The following SPOCK1 variants were observed in gnomAD, a reference collection of about 807,000 sequenced individuals.
SPOCK1 encodes SPARC (osteonectin), cwcv and kazal like domains proteoglycan 1, also known as testican-1.
In SPOCK1, 23 loss-of-function variants were observed where a neutral mutation model predicts 55.3. The ratio of observed to expected loss-of-function variants is 0.42; its 90% CI spans 0.30 to 0.59. The LOEUF (loss-of-function observed/expected upper bound fraction) is 0.59. SPOCK1 is among the 20% of genes least tolerant of loss of function. The pLI is 0.22. For synonymous variants in SPOCK1, 226 were observed against 221.0 expected (o/e 1.02, Z -0.20); for missense variants, 499 against 552.5 (o/e 0.90, Z 0.97).
intron 2 of SPOCK1, among the ~76,000 whole-genome samples, chr5:137,409,064 C>T (rs1257535243): frequency 2.0e-5 from 3 of 152,142 alleles, no homozygotes; most frequent in Admixed American, 2.0e-4. Context: ...GGAAAGAAAT[C>T]CAAGTCTGAA....
At chr5:137,162,192 C>T (rs1466816377) in intron 3 of SPOCK1, among the ~76,000 whole-genome samples, 1 of 145,112 alleles carries the variant, frequency 6.9e-6, no homozygotes, top group Non-Finnish European at 1.5e-5. Context: ...GGCTGGAGTA[C>T]AATGGTGGGA....
chr5:137,460,232 G>C lies in SPOCK1; in HGVS notation c.186+38141C>G, dbSNP rs538143900. On this transcript the variant is annotated intron_variant, in intron 2 of 10. Coordinates refer to ENST00000394945, the MANE Select transcript of SPOCK1 (RefSeq NM_004598.4). ...GGCCTGTGCTGGAGAATGAGCAATG[G>C]CTCAAGAAGTCTGGGAGATCTGGCT... 2.6e-5 allele frequency among the ~76,000 whole-genome samples: 4 copies of C among 152,258 alleles called. No individual in the cohort carries two copies. In the East Asian group the frequency reaches 7.7e-4, roughly 29 times the overall value.
chr5:137,438,957 A>G (rs1333125484), intron 2 of SPOCK1, among the ~76,000 whole-genome samples: 1 of 152,256 alleles, frequency 6.6e-6, no homozygotes, highest in African/African-American at 2.4e-5. Context: ...CACGTGACTT[A>G]AGAGGGTGCA....
chr5:137,495,278 G>T (rs1754274957), intron 2 of SPOCK1, among the ~76,000 whole-genome samples: 1 of 152,186 alleles, frequency 6.6e-6, no homozygotes, highest in Non-Finnish European at 1.5e-5. Flanking sequence ...AGTAGAGGTT[G>T]CCAGGTCACC....
At chr5:137,040,988 G>C (rs912891953) in intron 6 of SPOCK1, among the ~76,000 whole-genome samples, 1 of 152,110 alleles carries the variant, frequency 6.6e-6, no homozygotes, top group African/African-American at 2.4e-5. Flanking sequence ...AAAAAGGCTA[G>C]GAACCATACA....
At chr5:137,116,738 G>C (rs1753590526) in intron 4 of SPOCK1, among the ~76,000 whole-genome samples, 3 of 151,700 alleles carry the variant, frequency 2.0e-5, no homozygotes, top group Admixed American at 6.6e-5. Context: ...ACCTTCACAG[G>C]CTCCCTGTCT....
At chr5:137,026,496 A>G (rs766844815) in intron 6 of SPOCK1, among the ~76,000 whole-genome samples, 81 of 152,266 alleles carry the variant, frequency 5.3e-4, no homozygotes, top group Non-Finnish European at 1.0e-3. Context: ...TGCAGCATCA[A>G]TTCTTCCCTG....
chr5:137,491,492 A>C (rs1754176213), intron 2 of SPOCK1, among the ~76,000 whole-genome samples: 1 of 152,136 alleles, frequency 6.6e-6, no homozygotes, highest in Non-Finnish European at 1.5e-5. Context: ...GGGACAGTGC[A>C]CTCAGCCATT....
At chr5:137,099,443 T>C (rs754451104) in intron 5 of SPOCK1, among the ~76,000 whole-genome samples, 1 of 152,184 alleles carries the variant, frequency 6.6e-6, no homozygotes, top group African/African-American at 2.4e-5. Context: ...ACCTTTGCCC[T>C]GAATGAATGC....
At chr5:137,398,135 C>A (rs1751896259) in intron 2 of SPOCK1, among the ~76,000 whole-genome samples, 1 of 151,986 alleles carries the variant, frequency 6.6e-6, no homozygotes, top group Admixed American at 6.6e-5. Context: ...TCCACTGGCC[C>A]ACAACACTTC....
chr5:137,152,084 A>C (rs550862844), intron 3 of SPOCK1, among the ~76,000 whole-genome samples: 1 of 152,208 alleles, frequency 6.6e-6, no homozygotes, highest in African/African-American at 2.4e-5. Flanking sequence ...TTGGAGCTGA[A>C]GTTTCTTGGG....
In SPOCK1 at chr5:137,266,924, T is replaced by C. The variant is rs552837366; in HGVS notation, c.232+86A>G. 79 of 1,203,998 alleles carry C rather than the reference T, an allele frequency of 6.6e-5. No individual in the cohort carries two copies. The African/African-American group carries it at 1.1e-3, about 16-fold the overall frequency. 74.6% of individuals were successfully genotyped at this position (1,203,998 alleles called of 1,614,324 possible). The stretch of plus-strand genomic sequence containing the variant: ...AAATAACACCGCTAGCTGGCCCTTG[T>C]GGGAACATTAACTCAGCATGCAAGG... On this transcript the variant is annotated intron_variant, in intron 3 of 10. Coordinates refer to ENST00000394945, the MANE Select transcript of SPOCK1 (RefSeq NM_004598.4).
chr5:137,003,984 A>T (rs1291848821), intron 6 of SPOCK1, among the ~76,000 whole-genome samples: 2 of 152,084 alleles, frequency 1.3e-5, no homozygotes, highest in Non-Finnish European at 2.9e-5. Context: ...AATGCAGAGA[A>T]CCATGAGCTC....
At chr5:137,115,962 A>G (rs892989232) in intron 4 of SPOCK1, among the ~76,000 whole-genome samples, 5 of 152,232 alleles carry the variant, frequency 3.3e-5, no homozygotes, top group African/African-American at 1.2e-4. Flanking sequence ...GTGAAATCCA[A>G]TGAAGGTATC....
chr5:137,236,672 G>C (rs1475761767), intron 3 of SPOCK1, among the ~76,000 whole-genome samples: 2 of 152,124 alleles, frequency 1.3e-5, no homozygotes, highest in African/African-American at 4.8e-5. Flanking sequence ...TATCTGACCT[G>C]GATTGGGGAG....
At position 137,168,681 on chromosome 5, in the gene SPOCK1, C is replaced by T. The variant is rs570194863; in HGVS notation, c.233-27987G>A. On this transcript the variant is annotated intron_variant, in intron 3 of 10. Transcript: ENST00000394945. ...TACCACCTCACTCTAGTTAAGATGGCTTTTTTCCATAAGACAGGCAATAAA... is the reference window on the plus strand; with the variant it reads ...TACCACCTCACTCTAGTTAAGATGGTTTTTTTCCATAAGACAGGCAATAAA... Among the ~76,000 whole-genome samples, 15 of 152,152 alleles carry T rather than the reference C, an allele frequency of 9.9e-5. No homozygotes were observed. The East Asian group carries it at 2.7e-3, about 27-fold the overall frequency.
intron 2 of SPOCK1, among the ~76,000 whole-genome samples, chr5:137,426,682 C>T (rs1412300782): frequency 6.6e-6 from 1 of 152,128 alleles, no homozygotes; most frequent in African/African-American, 2.4e-5. Context: ...TGGGTGACTG[C>T]CTAAACATGA....
In SPOCK1 at chr5:137,022,507, G is replaced by C. The variant is rs190095901; in HGVS notation, c.590-29907C>G. 4.5e-3 allele frequency among the ~76,000 whole-genome samples: 680 copies of C among 152,130 alleles called. 2 individuals carry two copies. Among genetic ancestry groups the C allele is most frequent in the Non-Finnish European group, 5.3e-3 (361 of 67,992 alleles). On this transcript the variant is annotated intron_variant, in intron 6 of 10. Transcript: ENST00000394945. ...GTTTGTTACAGGGCAAGAAATAACT[G>C]AAACAAACTATGATTTTAAGCTCCT...
At chr5:137,335,399 G>A (rs1171374456) in intron 2 of SPOCK1, among the ~76,000 whole-genome samples, 1 of 152,222 alleles carries the variant, frequency 6.6e-6, no homozygotes, top group Non-Finnish European at 1.5e-5. Context: ...TCTTTATGTA[G>A]TGGAATGACA....
Sources: allele counts gnomAD v4.1 joint callset (sites outside exome capture counted in the v4.1 genomes callset), GRCh38; gene constraint gnomAD v4.1.1; transcripts MANE v1.5; gene names NCBI Gene and HGNC (gene_info 2026-07-23, HGNC 2026-07-21).